The following SLC41A2 variants were observed in gnomAD, a reference collection of about 807,000 sequenced individuals.
SLC41A2 encodes the protein solute carrier family 41 member 2.
In SLC41A2, 32 loss-of-function variants were observed where a neutral mutation model predicts 58.3. That is an observed-to-expected ratio of 0.55 (90% CI 0.41 to 0.74). The LOEUF (loss-of-function observed/expected upper bound fraction) is 0.74, where lower values mean the gene tolerates loss of function less well. SLC41A2 is among the 30% of genes least tolerant of loss of function. SLC41A2 has a pLI of 0.00. For missense variants in SLC41A2, 514 were observed against 680.6 expected, an observed-to-expected ratio of 0.76 and a Z score of 2.72; for synonymous variants, 190 against 235.0, an observed-to-expected ratio of 0.81 and a Z score of 1.75.
intron 8 of SLC41A2, among the ~76,000 whole-genome samples, chr12:104,858,463 T>A (rs1369079876): frequency 6.6e-6 from 1 of 152,202 alleles, no homozygotes; most frequent in Non-Finnish European, 1.5e-5. Context: ...AGTTACCTGG[T>A]ACATAGTGGT....
At chr12:104,815,985 G>A (rs1015328075) in intron 10 of SLC41A2, among the ~76,000 whole-genome samples, 1 of 151,986 alleles carries the variant, frequency 6.6e-6, no homozygotes, top group Admixed American at 6.6e-5. Flanking sequence ...TTTTCCTCCT[G>A]GGTACTATGG....
At chr12:104,955,095 T>G (rs1243646273) in intron 1 of SLC41A2, among the ~76,000 whole-genome samples, 1 of 142,668 alleles carries the variant, frequency 7.0e-6, no homozygotes, top group Non-Finnish European at 1.5e-5. Flanking sequence ...TCACTGCAAC[T>G]TCCACCACCT....
chr12:104,821,685 CA>C (rs1380770071), intron 10 of SLC41A2, among the ~76,000 whole-genome samples: 34 of 152,130 alleles, frequency 2.2e-4, no homozygotes, highest in Admixed American at 2.2e-3. Context: ...TGTCCAAATA[CA>C]CACAGTAAAA....
chr12:104,921,446 A>T (rs2046590102), intron 2 of SLC41A2, among the ~76,000 whole-genome samples: 1 of 152,004 alleles, frequency 6.6e-6, no homozygotes, highest in Non-Finnish European at 1.5e-5. Flanking sequence ...AGCAGAAACC[A>T]TACAGGCCAG....
intron 3 of SLC41A2, among the ~76,000 whole-genome samples, chr12:104,906,101 T>C (rs2135760177): frequency 6.6e-6 from 1 of 152,296 alleles, no homozygotes; most frequent in Admixed American, 6.5e-5. Flanking sequence ...AGTTTTTTTG[T>C]TTTTTCTTCT....
chr12:104,868,884 T>A (rs1368068287), intron 6 of SLC41A2, among the ~76,000 whole-genome samples: 1 of 152,058 alleles, frequency 6.6e-6, no homozygotes, highest in Non-Finnish European at 1.5e-5. Context: ...GATGCCAGAC[T>A]CAAAAGGTCA....
At position 104,886,398 on chromosome 12, in the gene SLC41A2, C is replaced by T. The variant is rs2044663108; in HGVS notation, c.922G>A (p.Gly308Ser). The change falls in exon 6 of 11, where the codon GGT (glycine) becomes AGT (serine). Residue 308 changes from glycine to serine, a missense_variant. Transcript: ENST00000258538. ...GTAGCAACATTATCAGGATTTATACCAGTCTTCTTTGAACCAACGATAACC... is the reference window on the plus strand; with the variant it reads ...GTAGCAACATTATCAGGATTTATACTAGTCTTCTTTGAACCAACGATAACC... ...VGVIVGSKKT[G>S]INPDNVATPI... The T allele has an allele frequency of 6.2e-7, 1 of 1,613,436 alleles. No individual in the cohort carries two copies. The highest frequency in any genetic ancestry group is 1.3e-5 in the African/African-American group (1 of 74,910).
intron 6 of SLC41A2, among the ~76,000 whole-genome samples, chr12:104,876,994 T>G (rs1460918978): frequency 6.6e-6 from 1 of 152,212 alleles, no homozygotes; most frequent in African/African-American, 2.4e-5. Context: ...TTACAATTGT[T>G]ATATCTTCTT....
At chr12:104,947,024 T>C (rs1176372851) in intron 1 of SLC41A2, among the ~76,000 whole-genome samples, 1 of 152,092 alleles carries the variant, frequency 6.6e-6, no homozygotes, top group African/African-American at 2.4e-5. Flanking sequence ...CAAACTTCAA[T>C]AAATGTTAGC....
At chr12:104,887,336 A>C (rs1185876604) in intron 5 of SLC41A2, among the ~76,000 whole-genome samples, 4 of 151,944 alleles carry the variant, frequency 2.6e-5, no homozygotes, top group African/African-American at 7.2e-5. Flanking sequence ...TTTATAGATA[A>C]TAAAACTGAG....
chr12:104,861,799 G>A (rs1003794234), intron 7 of SLC41A2, among the ~76,000 whole-genome samples: 6 of 152,066 alleles, frequency 3.9e-5, no homozygotes, highest in Admixed American at 3.3e-4. Context: ...ATTTAAAAAA[G>A]AGTATGGTTT....
chr12:104,882,631 A>C (rs1037837830), intron 6 of SLC41A2, among the ~76,000 whole-genome samples: 6 of 151,574 alleles, frequency 4.0e-5, no homozygotes, highest in African/African-American at 1.2e-4. Context: ...TTCTTTAAGA[A>C]TGTTGAATAT....
At chr12:104,916,173 A>G (rs2046310618) in intron 2 of SLC41A2, among the ~76,000 whole-genome samples, 1 of 152,174 alleles carries the variant, frequency 6.6e-6, no homozygotes, top group Middle Eastern at 3.2e-3. Context: ...TCGGTTTGCC[A>G]GTATTTTATT....
rs1233886679 is a variant in SLC41A2 at position 104,837,691 on chromosome 12, AG to A, written c.1536+6780del. On this transcript the variant is annotated intron_variant, in intron 10 of 10. Transcript: ENST00000258538. ...GAAGGTGAGTGGTAAGGAGATGAAA[AG>A]GGGCTCAGGGTATTGAATAACCAGC... is the stretch of plus-strand genomic sequence containing the variant. 7.2e-5 allele frequency among the ~76,000 whole-genome samples: 11 copies of A among 152,230 alleles called. No individual in the cohort carries two copies. In the East Asian group the frequency reaches 1.9e-3, roughly 27 times the overall value.
intron 8 of SLC41A2, among the ~76,000 whole-genome samples, chr12:104,857,461 T>G (rs983372135): frequency 3.3e-5 from 5 of 152,310 alleles, no homozygotes; most frequent in Non-Finnish European, 5.9e-5. Flanking sequence ...CTCAAGGATC[T>G]AGAACTAGAA....
chr12:104,920,690 C>T (rs1019536298), intron 2 of SLC41A2, among the ~76,000 whole-genome samples: 2 of 151,822 alleles, frequency 1.3e-5, no homozygotes, highest in Non-Finnish European at 2.9e-5. Flanking sequence ...TTTGGGAGGC[C>T]GAGGCAGGCG....
intron 10 of SLC41A2, among the ~76,000 whole-genome samples, chr12:104,827,029 A>G (rs960655244): frequency 6.6e-6 from 1 of 152,230 alleles, no homozygotes; most frequent in Non-Finnish European, 1.5e-5. Context: ...TGTGCATAAT[A>G]GAGGGCATAT....
intron 10 of SLC41A2, among the ~76,000 whole-genome samples, chr12:104,813,380 A>T (rs1036813714): frequency 1.3e-5 from 2 of 152,158 alleles, no homozygotes; most frequent in African/African-American, 4.8e-5. Flanking sequence ...GCATTACTAC[A>T]CTAGGAGGAT....
chr12:104,886,463 T>G (rs777982734), intron 5 of SLC41A2, 24 bp from the exon 6 acceptor site: 2 of 1,605,712 alleles, frequency 1.2e-6, no homozygotes, highest in East Asian at 4.5e-5. Context: ...TGTTCATTAC[T>G]TTTTAGGCTA....
Sources: gnomAD v4.1 joint callset for allele counts (sites outside exome capture counted in the v4.1 genomes callset) on GRCh38, gnomAD v4.1.1 for gene constraint, MANE v1.5 for transcripts, NCBI Gene and HGNC (gene_info 2026-07-23, HGNC 2026-07-21) for gene names.